The following ADAMTSL1 variants were observed in gnomAD, a reference collection of about 807,000 sequenced individuals.
The protein encoded by ADAMTSL1 is ADAMTS-like protein 1.
ADAMTSL1 carries 126 observed loss-of-function variants against 201.8 expected under a neutral mutation model. That is an observed-to-expected ratio of 0.62 (90% confidence interval 0.54 to 0.72). ADAMTSL1 has a LOEUF of 0.72. Ranked by LOEUF, ADAMTSL1 falls within the 30% of genes least tolerant of loss-of-function variation. ADAMTSL1 has a pLI of 0.00. For synonymous variants in ADAMTSL1, 1,121 were observed against 903.4 expected, an observed-to-expected ratio of 1.24 and a Z score of -4.32; for missense variants, 2,679 against 2,277.8, an observed-to-expected ratio of 1.18 and a Z score of -3.59.
chr9:18,716,951 A>C (rs927455361), intron 14 of ADAMTSL1, among the ~76,000 whole-genome samples: 3 of 141,074 alleles, frequency 2.1e-5, no homozygotes, highest in Non-Finnish European at 3.1e-5. Context: ...ACATGGATGA[A>C]ATTGGAAATC....
chr9:17,919,842 G>T (rs1028659618), intron 1 of ADAMTSL1, among the ~76,000 whole-genome samples: 2 of 152,094 alleles, frequency 1.3e-5, no homozygotes, highest in African/African-American at 4.8e-5. Flanking sequence ...ATACCTAGGA[G>T]TGTAATTGCT....
intron 14 of ADAMTSL1, among the ~76,000 whole-genome samples, chr9:18,708,908 C>G (rs905869883): frequency 1.3e-5 from 2 of 151,988 alleles, no homozygotes; most frequent in Non-Finnish European, 2.9e-5. Context: ...TTTGAAGTGT[C>G]GAGTGTATGT....
chr9:18,554,605 T>C (rs1044608511), intron 3 of ADAMTSL1, among the ~76,000 whole-genome samples: 4 of 151,764 alleles, frequency 2.6e-5, no homozygotes, highest in African/African-American at 9.7e-5. Context: ...ACCCCCAACC[T>C]TTACCCGTAG....
intron 1 of ADAMTSL1, among the ~76,000 whole-genome samples, chr9:18,032,305 C>T (rs1451404611): frequency 2.0e-5 from 3 of 152,194 alleles, no homozygotes; most frequent in Non-Finnish European, 4.4e-5. Context: ...AGCTCAATAC[C>T]CCTCAGGGTA....
In ADAMTSL1 at chr9:18,777,548, G is replaced by T; in HGVS notation, c.3319G>T (p.Glu1107Ter). Residue 1107 changes from glutamate to a stop codon, truncating the protein, a stop_gained, in exon 19 of 29, where the codon GAG becomes TAG. Coordinates refer to ENST00000380548, the MANE Select transcript of ADAMTSL1 (RefSeq NM_001040272.6). LOFTEE classifies it high-confidence loss of function. The part of the protein sequence containing the change: ...SKHLVAQLAQ[E>*]IFRSHLEHQD... Reference sequence around the variant, plus strand: ...GCACCTGGTGGCCCAGCTGGCCCAGGAGATCTTCCGCAGCCACCTGGAGCA... The same window carrying T: ...GCACCTGGTGGCCCAGCTGGCCCAGTAGATCTTCCGCAGCCACCTGGAGCA... The T allele has an allele frequency of 6.2e-7, 1 of 1,604,466 alleles. No homozygotes were observed. Among genetic ancestry groups the T allele is most frequent in the East Asian group, 2.3e-5 (1 of 44,302 alleles).
At chr9:18,188,772 T>G (rs182269992) in intron 2 of ADAMTSL1, among the ~76,000 whole-genome samples, 1 of 152,304 alleles carries the variant, frequency 6.6e-6, no homozygotes, top group Non-Finnish European at 1.5e-5. Flanking sequence ...TACTTTATTG[T>G]TTTGTAATTA....
At chr9:18,871,171 T>G (rs1371920958) in intron 23 of ADAMTSL1, among the ~76,000 whole-genome samples, 1 of 152,220 alleles carries the variant, frequency 6.6e-6, no homozygotes, top group Non-Finnish European at 1.5e-5. Context: ...TGAGTCAGAA[T>G]GAAGTTCACC....
intron 2 of ADAMTSL1, among the ~76,000 whole-genome samples, chr9:18,299,218 C>T (rs1191324854): frequency 6.6e-6 from 1 of 152,020 alleles, no homozygotes; most frequent in Non-Finnish European, 1.5e-5. Context: ...ATTCAAACCC[C>T]AGACTTCTAG....
chr9:18,507,515 A>C (rs1564004994), intron 2 of ADAMTSL1, among the ~76,000 whole-genome samples: 1 of 152,166 alleles, frequency 6.6e-6, no homozygotes, highest in Admixed American at 6.5e-5. Flanking sequence ...GTTGGTGCAA[A>C]AGTAATTGCA....
chr9:17,989,380 TACTG>T (rs1398495996), intron 1 of ADAMTSL1, among the ~76,000 whole-genome samples: 1 of 152,046 alleles, frequency 6.6e-6, no homozygotes, highest in African/African-American at 2.4e-5. Flanking sequence ...AAATCATTTA[TACTG>T]ACTGTTTTAC....
intron 1 of ADAMTSL1, among the ~76,000 whole-genome samples, chr9:18,124,668 A>G (rs191640846): frequency 6.6e-6 from 1 of 152,308 alleles, no homozygotes; most frequent in Admixed American, 6.5e-5. Flanking sequence ...GTGTTTTTAA[A>G]AAGTCATTAT....
At position 18,410,585 on chromosome 9, in the gene ADAMTSL1, A is replaced by T. The variant is rs528097543; in HGVS notation, c.208-94244A>T. Among the ~76,000 whole-genome samples the T allele has an allele frequency of 1.6e-3, 244 of 152,296 alleles. 1 individual carries two copies. The highest frequency in any genetic ancestry group is 5.4e-3 in the African/African-American group (224 of 41,578). On this transcript the variant is annotated intron_variant, in intron 2 of 29. Transcript: ENST00000680146. ...CCTTTTTATGGCTGCATAGTATTAC[A>T]TGGTGCATATATACCACATTTTCTT...
chr9:18,161,503 C>T (rs1827387505), intron 1 of ADAMTSL1, among the ~76,000 whole-genome samples: 1 of 152,022 alleles, frequency 6.6e-6, no homozygotes, highest in Non-Finnish European at 1.5e-5. Context: ...CAGGGATCAA[C>T]ATACATTAGT....
chr9:18,639,427 A>C lies in ADAMTSL1; in HGVS notation c.834+16A>C. ...CATTGTCAAGGTGAGCCCTATTTAG[A>C]TACCTCCTTTTCAAGCCACATCCCA... On this transcript the variant is annotated intron_variant, in intron 7 of 28. Coordinates refer to ENST00000380548, the MANE Select transcript of ADAMTSL1 (RefSeq NM_001040272.6). 1 of 1,605,418 alleles carries C rather than the reference A, an allele frequency of 6.2e-7. No individual in the cohort carries two copies. The highest frequency in any genetic ancestry group is 8.5e-7 in the Non-Finnish European group (1 of 1,175,084).
intron 1 of ADAMTSL1, among the ~76,000 whole-genome samples, chr9:18,015,174 C>G (rs1296688695): frequency 6.6e-6 from 1 of 152,024 alleles, no homozygotes; most frequent in African/African-American, 2.4e-5. Context: ...GCAGCATGCT[C>G]TGGTACACAT....
chr9:18,325,694 T>C (rs1438079287), intron 2 of ADAMTSL1, among the ~76,000 whole-genome samples: 2 of 150,500 alleles, frequency 1.3e-5, no homozygotes, highest in Admixed American at 6.6e-5. Context: ...AAAGGGAAGA[T>C]AGTGTAAGCT....
chr9:18,322,517 C>T (rs1834666027), intron 2 of ADAMTSL1, among the ~76,000 whole-genome samples: 1 of 152,132 alleles, frequency 6.6e-6, no homozygotes, highest in South Asian at 2.1e-4. Context: ...CCTAGAATCT[C>T]AGCTACCTGG....
Position 18,907,190 on chromosome 9 carries a change from A to G in ADAMTSL1, c.5182+278A>G. 4 of 459,736 alleles carry G rather than the reference A, an allele frequency of 8.7e-6. No homozygotes were observed. The South Asian group carries it at 1.1e-4, about 12-fold the overall frequency. 28.5% of individuals were successfully genotyped at this position (459,736 alleles called of 1,614,324 possible). On this transcript the variant is annotated intron_variant, in intron 28 of 28. Coordinates refer to ENST00000380548, the MANE Select transcript of ADAMTSL1 (RefSeq NM_001040272.6). The stretch of plus-strand genomic sequence containing the variant: ...CCAGTGCTGGAGGAAATCAGCCTCC[A>G]GTTCCCCTGCAGTCAGTCTGGCTGG...
At chr9:18,679,844 C>G (rs1385539417) in intron 10 of ADAMTSL1, among the ~76,000 whole-genome samples, 3 of 151,944 alleles carry the variant, frequency 2.0e-5, no homozygotes, top group South Asian at 2.1e-4. Flanking sequence ...AAAAAAATAC[C>G]TAGAAGTTAA....
Sources: allele counts gnomAD v4.1 joint callset (sites outside exome capture counted in the v4.1 genomes callset), GRCh38; gene constraint gnomAD v4.1.1; transcripts MANE v1.5; gene names NCBI Gene and HGNC (gene_info 2026-07-23, HGNC 2026-07-21).